The following LSM12 variants were observed in gnomAD, a reference collection of about 807,000 sequenced individuals.
LSM12 encodes protein LSM12.
For missense variants in LSM12, 108 were observed against 238.9 expected (o/e 0.45, Z 3.61); for synonymous variants, 74 against 87.3 (o/e 0.85, Z 0.85).
At chr17:44,038,119 T>C (rs1597881566) in intron 3 of LSM12, among the ~76,000 whole-genome samples, 1 of 150,458 alleles carries the variant, frequency 6.6e-6, no homozygotes, top group African/African-American at 2.5e-5. Context: ...GAGGCCGAGG[T>C]GGGTAGATTG....
intron 2 of LSM12, among the ~76,000 whole-genome samples, chr17:44,046,639 G>A (rs1398950811): frequency 5.4e-5 from 8 of 148,948 alleles, no homozygotes; most frequent in Non-Finnish European, 1.5e-5. Context: ...CTCAGGAGGC[G>A]GAGCTTGCAG....
chr17:44,043,838 G>A (rs2049527466), intron 2 of LSM12, among the ~76,000 whole-genome samples: 1 of 151,778 alleles, frequency 6.6e-6, no homozygotes, highest in African/African-American at 2.4e-5. Flanking sequence ...AAGTCTTTAA[G>A]GAAAGAAGGA....
At chr17:44,048,856 A>G (rs147321491) in intron 2 of LSM12, among the ~76,000 whole-genome samples, 45 of 152,236 alleles carry the variant, frequency 3.0e-4, no homozygotes, top group African/African-American at 1.0e-3. Context: ...TGGGCAAAGG[A>G]GAAAAGTATA....
In LSM12 at chr17:44,040,226, C is replaced by G. The variant is rs2049469959; in HGVS notation, c.289G>C (p.Glu97Gln). ...ATTGCATAGGCCTGGCTCAGCTTCT[C>G]CTCCTTCTCTGTCCGTGCTTTGCTG... is the stretch of plus-strand genomic sequence containing the variant. ...LASKARTEKE[E>Q]KLSQAYAISA... The change falls in exon 3 of 5, where the codon GAG becomes CAG. Residue 97 changes from glutamate (E) to glutamine (Q), a missense_variant. Glu to Gln is a conservative substitution (Grantham distance 29). Coordinates refer to ENST00000293406, the MANE Select transcript of LSM12 (RefSeq NM_001371445.1). The G allele has an allele frequency of 6.2e-7, 1 of 1,613,858 alleles. No homozygotes were observed.
intron 4 of LSM12, 195 bp downstream of exon 4, chr17:44,037,217 T>C: frequency 3.8e-6 from 2 of 529,560 alleles, no homozygotes; most frequent in African/African-American, 2.0e-5. Flanking sequence ...CACTCACTTC[T>C]TTCCACACCA....
intron 2 of LSM12, among the ~76,000 whole-genome samples, chr17:44,045,272 C>T (rs764082623): frequency 7.2e-5 from 11 of 152,152 alleles, no homozygotes; most frequent in South Asian, 2.1e-4. Flanking sequence ...GTGATCTGCC[C>T]GCCTCAGCCT....
chr17:44,064,460 T>C (rs1227314227), intron 1 of LSM12, among the ~76,000 whole-genome samples: 1 of 152,144 alleles, frequency 6.6e-6, no homozygotes, highest in Non-Finnish European at 1.5e-5. Context: ...CAGGCTCACG[T>C]GATGGCTCAC....
At chr17:44,051,798 GC>G (rs2049647621) in intron 2 of LSM12, among the ~76,000 whole-genome samples, 1 of 151,706 alleles carries the variant, frequency 6.6e-6, no homozygotes. Context: ...ACATAGCAAG[GC>G]CCCTGACTCT....
At chr17:44,040,721 T>C (rs2049476461) in intron 2 of LSM12, among the ~76,000 whole-genome samples, 2 of 151,288 alleles carry the variant, frequency 1.3e-5, no homozygotes, top group African/African-American at 4.9e-5. Flanking sequence ...ATGCCTGTAA[T>C]CCCAGCACTT....
chr17:44,066,658 C>T lies in LSM12; in HGVS notation c.-71G>A, dbSNP rs1001457107. 23 of 1,265,798 alleles carry T rather than the reference C, an allele frequency of 1.8e-5. No homozygotes were observed. In the East Asian group the frequency reaches 6.7e-4, roughly 37 times the overall value. 78.4% of individuals were successfully genotyped at this position (1,265,798 alleles called of 1,614,324 possible). A position where few individuals can be genotyped will look rare whatever the true frequency, so the allele number is the denominator to read the frequency against. On this transcript the variant is annotated 5_prime_UTR_variant, in exon 1 of 5. Coordinates refer to ENST00000293406, the MANE Select transcript of LSM12 (RefSeq NM_001371445.1). ...CGAAAGCCGGGCCCCCAGTGAGCGC[C>T]GCGACGCGACGGCGCGCACGGAGCG...
At chr17:44,062,456 G>C (rs146956987) in intron 2 of LSM12, among the ~76,000 whole-genome samples, 1 of 152,206 alleles carries the variant, frequency 6.6e-6, no homozygotes, top group Non-Finnish European at 1.5e-5. Context: ...ATTTAACTGA[G>C]TGCTGATGGG....
In LSM12 at chr17:44,063,078, G is replaced by A. The variant is rs79578657; in HGVS notation, c.258+723C>T. ...AGAGAGACTCTGTCTCAAAAAAAACGCCGGGCGCAGTGGCTCCAATAAAAA... is the reference window on the plus strand; with the variant it reads ...AGAGAGACTCTGTCTCAAAAAAAACACCGGGCGCAGTGGCTCCAATAAAAA... On this transcript the variant is annotated intron_variant, in intron 2 of 4. Coordinates refer to ENST00000293406, the MANE Select transcript of LSM12 (RefSeq NM_001371445.1). Among the ~76,000 whole-genome samples the A allele has an allele frequency of 6.6e-4, 100 of 151,886 alleles. No homozygotes were observed. The East Asian group carries it at 8.0e-3, about 12-fold the overall frequency.
Position 44,045,749 on chromosome 17 carries a change from T to C in LSM12, c.259-5493A>G, listed in dbSNP as rs9914358. ...CCACGCCCAGCTAAGGTGTTGTATTTTTTTGTAGAGACAGGGTTTCACCGT... is the reference window on the plus strand; with the variant it reads ...CCACGCCCAGCTAAGGTGTTGTATTCTTTTGTAGAGACAGGGTTTCACCGT... On this transcript the variant is annotated intron_variant, in intron 2 of 4. Transcript: ENST00000293406. Among the ~76,000 whole-genome samples the C allele has an allele frequency of 5.3e-3, 810 of 151,878 alleles. 10 individuals carry two copies. The highest frequency in any genetic ancestry group is 0.017 in the African/African-American group (716 of 41,396).
At chr17:44,058,150 T>C (rs1260617071) in intron 2 of LSM12, among the ~76,000 whole-genome samples, 1 of 151,266 alleles carries the variant, frequency 6.6e-6, no homozygotes, top group African/African-American at 2.4e-5. Flanking sequence ...GGCAGGAGAA[T>C]GGCGTGAACC....
At chr17:44,057,678 G>A (rs1043164140) in intron 2 of LSM12, among the ~76,000 whole-genome samples, 1 of 151,260 alleles carries the variant, frequency 6.6e-6, no homozygotes, top group Non-Finnish European at 1.5e-5. Flanking sequence ...AGAACTGCTT[G>A]AACCTGGGAG....
At chr17:44,051,428 T>A (rs1324880941) in intron 2 of LSM12, among the ~76,000 whole-genome samples, 1 of 142,902 alleles carries the variant, frequency 7.0e-6, no homozygotes, top group Non-Finnish European at 1.5e-5. Context: ...TAGCTGGGTG[T>A]GGTGGCGCAC....
upstream of LSM12, chr17:44,066,818 G>C: frequency 2.5e-6 from 1 of 393,464 alleles, no homozygotes; most frequent in Non-Finnish European, 4.1e-6. Context: ...AGTGCTTGTA[G>C]AGTCCATTTT....
chr17:44,060,885 T>G (rs2049786620), intron 2 of LSM12, among the ~76,000 whole-genome samples: 1 of 152,160 alleles, frequency 6.6e-6, no homozygotes, highest in Non-Finnish European at 1.5e-5. Flanking sequence ...TGGCACTCAT[T>G]GGTCACAAGA....
chr17:44,036,168 C>T lies in LSM12; in HGVS notation c.*40G>A. The T allele has an allele frequency of 6.3e-7, 1 of 1,599,644 alleles. No individual in the cohort carries two copies. The highest frequency in any genetic ancestry group is 1.1e-5 in the South Asian group (1 of 90,240). On this transcript the variant is annotated 3_prime_UTR_variant, in exon 5 of 5. Transcript: ENST00000293406. ...TCCGCTGAAGCCACCACCAGCGCCT[C>T]CTTGGCTGGATGCTGGAAGAGTCCT...
Sources: gnomAD v4.1 joint callset for allele counts (sites outside exome capture counted in the v4.1 genomes callset) on GRCh38, gnomAD v4.1.1 for gene constraint, MANE v1.5 for transcripts, NCBI Gene and HGNC (gene_info 2026-07-23, HGNC 2026-07-21) for gene names.